Variants in TBC1D4 observed in about 807,000 individuals in gnomAD.
The protein encoded by TBC1D4 is TBC1 domain family member 4.
TBC1D4 carries 121 observed loss-of-function variants against 142.5 expected under a neutral mutation model. That is an observed-to-expected ratio of 0.85 (90% CI 0.73 to 0.99). The LOEUF (loss-of-function observed/expected upper bound fraction) is 0.99. Ranked by LOEUF, TBC1D4 falls within the 50% of genes least tolerant of loss-of-function variation. The pLI is 0.00. For synonymous variants in TBC1D4, 630 were observed against 628.2 expected (o/e 1.00, Z -0.04); for missense variants, 1,475 against 1,606.6 (o/e 0.92, Z 1.40).
intron 1 of TBC1D4, among the ~76,000 whole-genome samples, chr13:75,441,385 G>A (rs1305745450): frequency 6.6e-6 from 1 of 151,938 alleles, no homozygotes; most frequent in African/African-American, 2.4e-5. Context: ...GGACTCATCT[G>A]GAAACCATAT....
rs1467292272 is a variant in TBC1D4, at chr13:75,481,639, C to T, written c.129G>A (p.Gly43=). 5 of 1,605,262 alleles carry T rather than the reference C, an allele frequency of 3.1e-6. No homozygotes were observed. Among genetic ancestry groups the T allele is most frequent in the East Asian group, 4.5e-5 (2 of 44,584 alleles). The stretch of plus-strand genomic sequence containing the variant: ...GCGTGGTCCTGTGGTCCAGGCACGA[C>T]CCCCCAACGTACCACAGCCGGAACC... ...DKRFRLWYVG[G]SCLDHRTTLP... is the part of the protein sequence containing the mutation. The change falls in exon 1 of 21, where the codon GGG becomes GGA. Residue 43 remains glycine, a synonymous_variant. Coordinates refer to ENST00000377636, the MANE Select transcript of TBC1D4 (RefSeq NM_014832.5).
intron 1 of TBC1D4, among the ~76,000 whole-genome samples, chr13:75,460,597 T>C (rs1887927659): frequency 6.6e-6 from 1 of 152,116 alleles, no homozygotes; most frequent in Non-Finnish European, 1.5e-5. Flanking sequence ...AGCTTGAGCA[T>C]TCTCTGAGTA....
intron 1 of TBC1D4, 82 bp downstream of exon 1, chr13:75,481,188 A>G (rs919280021): frequency 5.7e-5 from 83 of 1,456,394 alleles, no homozygotes; most frequent in Non-Finnish European, 6.7e-5. Flanking sequence ...CGGTCCTTAA[A>G]GTGGGGTCCC....
At position 75,326,222 on chromosome 13, in the gene TBC1D4, T is replaced by C. The variant is rs1358427240; in HGVS notation, c.2008A>G (p.Arg670Gly). ...CTGCACTGTTCACTGGAGCTCTGCC[T>C]CAGCAGAGGGGAACGCACACCCTGA... ...RAQGVRSPLL[R>G]QSSSEQCSNL... is the part of the protein sequence containing the mutation. The change falls in exon 10 of 21, where the codon AGG (arginine) becomes GGG (glycine). Residue 670 changes from arginine to glycine, a missense_variant. Coordinates refer to ENST00000377636, the MANE Select transcript of TBC1D4 (RefSeq NM_014832.5). 2.5e-6 allele frequency: 4 copies of C among 1,614,192 alleles called. No individual in the cohort carries two copies. The Admixed American group carries it at 5.0e-5, about 20-fold the overall frequency.
Position 75,284,328 on chromosome 13 carries a change from T to C in TBC1D4, c.*2464A>G, listed in dbSNP as rs1555295292. 6.6e-6 allele frequency among the ~76,000 whole-genome samples: 1 copy of C among 152,158 alleles called. No homozygotes were observed. Among genetic ancestry groups the C allele is most frequent in the Non-Finnish European group, 1.5e-5 (1 of 68,030 alleles). ...TATTATTATTATATACTCACCATAA[T>C]GTAGAATTAGTGGGAACCCTGACTG... On this transcript the variant is annotated 3_prime_UTR_variant, in exon 21 of 21. Transcript: ENST00000377636.
At chr13:75,329,112 C>A (rs981810001) in intron 8 of TBC1D4, among the ~76,000 whole-genome samples, 4 of 152,016 alleles carry the variant, frequency 2.6e-5, no homozygotes, top group Non-Finnish European at 4.4e-5. Flanking sequence ...CCACCTCCCC[C>A]CAACCCCCAC....
At chr13:75,393,115 A>G (rs954888900) in intron 1 of TBC1D4, among the ~76,000 whole-genome samples, 2 of 102,836 alleles carry the variant, frequency 1.9e-5, no homozygotes, top group Non-Finnish European at 3.8e-5. Flanking sequence ...TTAAATTAAA[A>G]TACACACACA....
At chr13:75,339,848 A>G (rs1010396928) in intron 7 of TBC1D4, among the ~76,000 whole-genome samples, 10 of 152,226 alleles carry the variant, frequency 6.6e-5, no homozygotes, top group Non-Finnish European at 1.3e-4. Context: ...CTGGGATCAC[A>G]GGCGTGAGCC....
intron 8 of TBC1D4, 112 bp downstream of exon 8, chr13:75,336,809 T>C (rs1483141915): frequency 5.5e-6 from 7 of 1,283,332 alleles, no homozygotes; most frequent in Admixed American, 4.7e-5. Flanking sequence ...ATCTTAGGTT[T>C]TTTTTTTGTT....
chr13:75,349,790 T>C (rs890697008), intron 4 of TBC1D4, among the ~76,000 whole-genome samples: 7 of 152,186 alleles, frequency 4.6e-5, no homozygotes, highest in African/African-American at 1.4e-4. Context: ...TGGATAAAAA[T>C]GAGTTCCATT....
chr13:75,425,419 G>T (rs1470362697), intron 1 of TBC1D4, among the ~76,000 whole-genome samples: 2 of 152,112 alleles, frequency 1.3e-5, no homozygotes, highest in African/African-American at 2.4e-5. Flanking sequence ...CAGTATAGAG[G>T]TTCCTCAAAA....
intron 20 of TBC1D4, among the ~76,000 whole-genome samples, 161 bp from the exon 21 acceptor site, chr13:75,287,186 A>C (rs947409241): frequency 6.6e-6 from 1 of 152,186 alleles, no homozygotes; most frequent in Non-Finnish European, 1.5e-5. Context: ...GGTTTCACAA[A>C]GATGTAACTA....
At chr13:75,388,206 T>G (rs1212125562) in intron 1 of TBC1D4, among the ~76,000 whole-genome samples, 1 of 152,216 alleles carries the variant, frequency 6.6e-6, no homozygotes, top group African/African-American at 2.4e-5. Context: ...TAATCCAGGA[T>G]AATCTCTGCA....
chr13:75,361,383 T>C (rs528866850), intron 2 of TBC1D4, among the ~76,000 whole-genome samples: 1 of 152,274 alleles, frequency 6.6e-6, no homozygotes, highest in South Asian at 2.1e-4. Flanking sequence ...CTTTCTACAA[T>C]TTTTTTGTTG....
Position 75,432,592 on chromosome 13 carries a change from G to C in TBC1D4, c.498+48678C>G, listed in dbSNP as rs1480271404. 2.0e-5 allele frequency among the ~76,000 whole-genome samples: 3 copies of C among 152,166 alleles called. No homozygotes were observed. The East Asian group carries it at 5.8e-4, about 29-fold the overall frequency. Reference sequence around the variant, plus strand: ...TTTATAACTACTGTTAGTTAAAAATGAAATGGCACACAGAAAGCAATTTAG... The same window carrying C: ...TTTATAACTACTGTTAGTTAAAAATCAAATGGCACACAGAAAGCAATTTAG... On this transcript the variant is annotated intron_variant, in intron 1 of 20. Transcript: ENST00000377636.
intron 5 of TBC1D4, 24 bp from the exon 6 acceptor site, chr13:75,341,611 T>C: frequency 1.3e-6 from 2 of 1,569,390 alleles, no homozygotes; most frequent in Non-Finnish European, 1.8e-6. Context: ...TGAGGGAAGG[T>C]ATTAAACAGA....
intron 16 of TBC1D4, 103 bp downstream of exon 16, chr13:75,302,140 C>T: frequency 2.1e-6 from 3 of 1,408,704 alleles, no homozygotes; most frequent in Non-Finnish European, 2.0e-6. Flanking sequence ...CATATGCCAA[C>T]AGGTGCTCTT....
chr13:75,337,988 G>C (rs1288312995), intron 7 of TBC1D4, among the ~76,000 whole-genome samples: 2 of 152,122 alleles, frequency 1.3e-5, no homozygotes, highest in Non-Finnish European at 2.9e-5. Flanking sequence ...AGAAACTCAG[G>C]CTGGAAAATA....
intron 18 of TBC1D4, among the ~76,000 whole-genome samples, chr13:75,292,648 C>T (rs1321959412): frequency 6.6e-6 from 1 of 151,386 alleles, no homozygotes; most frequent in Non-Finnish European, 1.5e-5. Flanking sequence ...CCAATGAGTA[C>T]TATTCAAACT....
Sources: gnomAD v4.1 joint callset for allele counts (sites outside exome capture counted in the v4.1 genomes callset) on GRCh38, gnomAD v4.1.1 for gene constraint, MANE v1.5 for transcripts, NCBI Gene and HGNC (gene_info 2026-07-23, HGNC 2026-07-21) for gene names.